The following COG5 variants were observed in gnomAD, a reference collection of about 807,000 sequenced individuals.
The protein encoded by COG5 is conserved oligomeric Golgi complex subunit 5.
A neutral mutation model predicts 110.4 loss-of-function variants in COG5; 86 were observed. That is an observed-to-expected ratio of 0.78 (90% CI 0.65 to 0.93). COG5 has a LOEUF of 0.93. Ranked by LOEUF, COG5 falls within the 40% of genes least tolerant of loss-of-function variation. COG5 has a pLI of 0.00. For missense variants in COG5, 1,077 were observed against 987.0 expected, an observed-to-expected ratio of 1.09 and a Z score of -1.22; for synonymous variants, 360 against 334.6, an observed-to-expected ratio of 1.08 and a Z score of -0.83.
chr7:107,476,554 A>G (rs565474643), intron 6 of COG5, among the ~76,000 whole-genome samples: 1 of 151,776 alleles, frequency 6.6e-6, no homozygotes, highest in South Asian at 2.1e-4. Flanking sequence ...TTCATGTGGG[A>G]AAATCATGAA....
At chr7:107,417,504 G>T (rs1792945399) in intron 6 of COG5, among the ~76,000 whole-genome samples, 1 of 152,022 alleles carries the variant, frequency 6.6e-6, no homozygotes, top group African/African-American at 2.4e-5. Flanking sequence ...TATCATAAAT[G>T]ACTACTTTAA....
At chr7:107,291,393 ATACATTGTTGCAACTCTGGG>A (rs1806159425) in intron 12 of COG5, among the ~76,000 whole-genome samples, 2 of 152,130 alleles carry the variant, frequency 1.3e-5, no homozygotes, top group Admixed American at 1.3e-4. Context: ...GGCATTTTAG[ATACATTGTTGCAACTCTGGG>A]TACTGGTCCC....
Position 107,264,495 on chromosome 7 carries a change from C to T in COG5, c.1576-6112G>A, listed in dbSNP as rs529772412. 3.9e-5 allele frequency among the ~76,000 whole-genome samples: 6 copies of T among 152,084 alleles called. No homozygotes were observed. The South Asian group carries it at 1.0e-3, about 26-fold the overall frequency. ...TCGCTTGAGCCCAGGAGTTTGAGAC[C>T]AGCCTGGGTAACATGGCAAAACCCC... On this transcript the variant is annotated intron_variant, in intron 14 of 21. Coordinates refer to ENST00000297135, the MANE Select transcript of COG5 (RefSeq NM_006348.5).
At chr7:107,541,524 A>ATATATATATATATATATATATGTG (rs1563091342) in intron 5 of COG5, among the ~76,000 whole-genome samples, 2 of 40,088 alleles carry the variant, frequency 5.0e-5, no homozygotes, top group African/African-American at 2.3e-4. Flanking sequence ...AAAAAAAAAA[A>ATATATATATATATATATATATGTG]TATATATATA....
intron 6 of COG5, among the ~76,000 whole-genome samples, chr7:107,435,978 C>G (rs1027799052): frequency 1.3e-5 from 2 of 152,114 alleles, no homozygotes; most frequent in African/African-American, 4.8e-5. Flanking sequence ...AGAATGAAAT[C>G]ACATCATTCG....
intron 11 of COG5, among the ~76,000 whole-genome samples, chr7:107,304,671 GC>G: frequency 6.6e-6 from 1 of 152,232 alleles, no homozygotes; most frequent in East Asian, 1.9e-4. Context: ...GACTAGCTGT[GC>G]CTAAACCTCA....
chr7:107,343,473 G>A (rs1811338873), intron 10 of COG5, among the ~76,000 whole-genome samples: 2 of 152,258 alleles, frequency 1.3e-5, no homozygotes, highest in Admixed American at 6.5e-5. Flanking sequence ...TTGAGCTCAG[G>A]TGTTTGAGAC....
chr7:107,501,970 A>G (rs1473139265), intron 6 of COG5, among the ~76,000 whole-genome samples: 2 of 152,088 alleles, frequency 1.3e-5, no homozygotes, highest in Non-Finnish European at 2.9e-5. Context: ...GTCACTTCAG[A>G]CTCACAATAA....
At chr7:107,453,197 A>G (rs1045910784) in intron 6 of COG5, among the ~76,000 whole-genome samples, 2 of 152,218 alleles carry the variant, frequency 1.3e-5, no homozygotes, top group African/African-American at 4.8e-5. Context: ...TCACAGGTCT[A>G]CAAAATAAAA....
intron 6 of COG5, among the ~76,000 whole-genome samples, chr7:107,463,185 G>A (rs1335567673): frequency 6.6e-6 from 1 of 152,230 alleles, no homozygotes; most frequent in Non-Finnish European, 1.5e-5. Context: ...TGAGAAATAA[G>A]CTTTTCCCCA....
intron 11 of COG5, among the ~76,000 whole-genome samples, chr7:107,304,542 T>C (rs527779295): frequency 1.8e-4 from 27 of 152,346 alleles, no homozygotes; most frequent in African/African-American, 6.3e-4. Flanking sequence ...CTTGGAGTTA[T>C]ATCAGCCTTA....
In COG5 at chr7:107,248,406, C is replaced by A; in HGVS notation, c.1843G>T (p.Asp615Tyr). 1 of 1,606,330 alleles carries A rather than the reference C, an allele frequency of 6.2e-7. No individual in the cohort carries two copies. The highest frequency in any genetic ancestry group is 8.5e-7 in the Non-Finnish European group (1 of 1,173,816). The part of the protein sequence containing the change: ...EAIIITMHQE[D>Y]FSGSLSSSGK... ...GTTAGAAGTAATTACCCAGAAAAGT[C>A]TTCTTGATGCATGGTGATGATTATG... Residue 615 changes from aspartate to tyrosine, a missense_variant, in exon 17 of 22, where the codon GAC becomes TAC. Asp to Tyr is a radical substitution (Grantham distance 160). Coordinates refer to ENST00000297135, the MANE Select transcript of COG5 (RefSeq NM_006348.5).
At chr7:107,299,575 T>A (rs1018627853) in intron 11 of COG5, among the ~76,000 whole-genome samples, 1 of 151,890 alleles carries the variant, frequency 6.6e-6, no homozygotes, top group African/African-American at 2.4e-5. Context: ...ATGACTTTAG[T>A]GGTGAATTTT....
At chr7:107,466,639 A>G (rs369333744) in intron 6 of COG5, among the ~76,000 whole-genome samples, 1 of 152,214 alleles carries the variant, frequency 6.6e-6, no homozygotes, top group African/African-American at 2.4e-5. Flanking sequence ...CAGATGGTCC[A>G]TTTCTATTTT....
At chr7:107,442,643 T>TAAAAAAAAA (rs35184301) in intron 6 of COG5, among the ~76,000 whole-genome samples, 1 of 129,566 alleles carries the variant, frequency 7.7e-6, no homozygotes, top group African/African-American at 2.8e-5. Flanking sequence ...CAATTTCACC[T>TAAAAAAAAA]AAAAAAAAAA....
At chr7:107,233,138 C>T (rs1800899746) in intron 18 of COG5, among the ~76,000 whole-genome samples, 3 of 152,020 alleles carry the variant, frequency 2.0e-5, no homozygotes, top group Admixed American at 2.0e-4. Context: ...GCTAGAAGTA[C>T]CACTAAATAA....
chr7:107,305,083 T>G lies in COG5; in HGVS notation c.1109-6737A>C, dbSNP rs576654415. ...GAAGAGACAGACAGGATGTGCTATT[T>G]TATGTACTTACCTGGGAGGACCTCT... On this transcript the variant is annotated intron_variant, in intron 11 of 21. Transcript: ENST00000297135. 2.6e-5 allele frequency among the ~76,000 whole-genome samples: 4 copies of G among 152,336 alleles called. No homozygotes were observed. The East Asian group carries it at 7.7e-4, about 29-fold the overall frequency.
At chr7:107,446,639 C>A (rs1024365923) in intron 6 of COG5, among the ~76,000 whole-genome samples, 8 of 152,166 alleles carry the variant, frequency 5.3e-5, no homozygotes, top group Non-Finnish European at 1.2e-4. Flanking sequence ...CTCTCTCTCT[C>A]CCCACTCACA....
rs181813445 is a variant in COG5, at chr7:107,557,572, A to G, written c.234+404T>C. On this transcript the variant is annotated intron_variant, in intron 2 of 21. Transcript: ENST00000297135. ...ATCCTACTCACAATAACATTTATCA[A>G]CTTTCTGTAATTTCAGCAAATGCTA... Among the ~76,000 whole-genome samples the G allele has an allele frequency of 4.7e-3, 715 of 152,308 alleles. 8 individuals are homozygous for G. The highest frequency in any genetic ancestry group is 3.7e-3 in the Non-Finnish European group (254 of 68,030).
Sources: allele counts gnomAD v4.1 joint callset (sites outside exome capture counted in the v4.1 genomes callset), GRCh38; gene constraint gnomAD v4.1.1; transcripts MANE v1.5; gene names NCBI Gene and HGNC (gene_info 2026-07-23, HGNC 2026-07-21).